PARD3: variants seen among roughly 807,000 people sequenced by gnomAD.
PARD3 encodes the protein partitioning defective 3 homolog.
Under a neutral mutation model 155.4 loss-of-function variants are expected in PARD3, and 75 were observed. The ratio of observed to expected loss-of-function variants is 0.48; its 90% CI spans 0.40 to 0.58. The LOEUF (loss-of-function observed/expected upper bound fraction) is 0.58, where lower values mean the gene tolerates loss of function less well. PARD3 is among the 20% of genes least tolerant of loss of function. The pLI is 0.00. For missense variants in PARD3, 1,642 were observed against 1,721.7 expected (o/e 0.95, Z 0.82); for synonymous variants, 576 against 610.5 (o/e 0.94, Z 0.83).
intron 1 of PARD3, among the ~76,000 whole-genome samples, chr10:34,700,998 A>G (rs1456481592): frequency 6.6e-6 from 1 of 152,134 alleles, no homozygotes; most frequent in Admixed American, 6.5e-5. Flanking sequence ...AATTTATCTG[A>G]CAAAATATAA....
At position 34,111,241 on chromosome 10, in the gene PARD3, G is replaced by A. The variant is rs368043710; in HGVS notation, c.3990C>T (p.Pro1330=). The A allele has an allele frequency of 1.9e-6, 3 of 1,612,386 alleles. No individual in the cohort carries two copies. The highest frequency in any genetic ancestry group is 4.5e-5 in the East Asian group (2 of 44,814). ...PPKGPFRQDV[P]PSPSQVARLN... ...GCCTCGCAACCTGAGAAGGGGAGGG[G>A]GGCACATCTTGCCGGAAGGGCCCCT... Residue 1330 remains proline, a synonymous_variant, in exon 25 of 25, where the codon CCC becomes CCT. Transcript: ENST00000374788.
Position 34,146,009 on chromosome 10 carries a change from T to C in PARD3, c.3420-14426A>G, listed in dbSNP as rs116491404. 4.6e-3 allele frequency among the ~76,000 whole-genome samples: 695 copies of C among 152,308 alleles called. 5 individuals are homozygous for C. The highest frequency in any genetic ancestry group is 0.014 in the African/African-American group (577 of 41,572). On this transcript the variant is annotated intron_variant, in intron 22 of 24. Transcript: ENST00000374788. ...AATTCCATGTCTTCCGAAGAGAATC[T>C]AGCAATCTTTGGTGCGGGGTGCATA...
intron 22 of PARD3, among the ~76,000 whole-genome samples, chr10:34,254,537 CGTGTGT>C (rs55901749): frequency 0.12 from 17,566 of 145,474 alleles, 1,271 homozygotes; most frequent in African/African-American, 0.21. Context: ...GGTAGGTAAA[CGTGTGT>C]GTGTGTGTGT....
intron 2 of PARD3, among the ~76,000 whole-genome samples, chr10:34,687,366 G>A (rs1324190235): frequency 2.0e-5 from 3 of 152,042 alleles, no homozygotes; most frequent in Admixed American, 6.6e-5. Context: ...TCCCCAATAA[G>A]TTTTTTAAAG....
intron 22 of PARD3, among the ~76,000 whole-genome samples, chr10:34,153,564 T>C (rs1588950823): frequency 6.6e-6 from 1 of 152,340 alleles, no homozygotes; most frequent in East Asian, 1.9e-4. Flanking sequence ...CCTTTGGCCA[T>C]TTAAATTCAG....
intron 4 of PARD3, among the ~76,000 whole-genome samples, chr10:34,451,513 A>C (rs2132808053): frequency 6.6e-6 from 1 of 152,290 alleles, no homozygotes; most frequent in African/African-American, 2.4e-5. Context: ...GCAATATAAT[A>C]GGTTTGCAAT....
intron 23 of PARD3, among the ~76,000 whole-genome samples, chr10:34,127,313 T>G (rs751874277): frequency 5.9e-5 from 9 of 152,222 alleles, no homozygotes; most frequent in Non-Finnish European, 8.8e-5. Flanking sequence ...GACATATGTC[T>G]GCTTCTCTGT....
chr10:34,651,513 G>A (rs565598607), intron 2 of PARD3, among the ~76,000 whole-genome samples: 53 of 152,334 alleles, frequency 3.5e-4, no homozygotes, highest in African/African-American at 1.3e-3. Flanking sequence ...CAGGAAGTGT[G>A]GACAATGAAG....
chr10:34,580,455 A>C (rs1220758828), intron 2 of PARD3, among the ~76,000 whole-genome samples: 1 of 152,158 alleles, frequency 6.6e-6, no homozygotes, highest in African/African-American at 2.4e-5. Flanking sequence ...GGGTCACTGG[A>C]GCCTAAGAAG....
chr10:34,364,789 C>T (rs1554839629), intron 12 of PARD3, among the ~76,000 whole-genome samples: 1 of 151,968 alleles, frequency 6.6e-6, no homozygotes, highest in Non-Finnish European at 1.5e-5. Flanking sequence ...AAATTAATAA[C>T]AAAAAGATAA....
intron 2 of PARD3, among the ~76,000 whole-genome samples, chr10:34,561,124 A>G (rs1336845020): frequency 2.6e-5 from 4 of 152,172 alleles, no homozygotes; most frequent in African/African-American, 7.2e-5. Context: ...GAATACTCCA[A>G]ACGTGTGATG....
intron 1 of PARD3, among the ~76,000 whole-genome samples, chr10:34,719,392 A>G (rs2094569613): frequency 6.6e-6 from 1 of 152,156 alleles, no homozygotes; most frequent in African/African-American, 2.4e-5. Context: ...TCCTCCCTCT[A>G]CTTTAAGTTA....
chr10:34,728,658 A>C (rs558452934), intron 1 of PARD3, among the ~76,000 whole-genome samples: 22 of 152,342 alleles, frequency 1.4e-4, no homozygotes, highest in African/African-American at 5.0e-4. Context: ...AGTCATCCCA[A>C]GCAGCAGTAA....
At chr10:34,476,935 T>A (rs1209451543) in intron 3 of PARD3, among the ~76,000 whole-genome samples, 1 of 152,194 alleles carries the variant, frequency 6.6e-6, no homozygotes, top group Admixed American at 6.5e-5. Flanking sequence ...ATCAACAAAA[T>A]GAATCATGAA....
chr10:34,563,312 TA>T (rs1313068479), intron 2 of PARD3, among the ~76,000 whole-genome samples: 2 of 152,180 alleles, frequency 1.3e-5, no homozygotes, highest in Non-Finnish European at 2.9e-5. Context: ...AAGAAGTATG[TA>T]CATATCACTG....
In PARD3 at chr10:34,586,846, G is replaced by A. The variant is rs187493535; in HGVS notation, c.223-69687C>T. On this transcript the variant is annotated intron_variant, in intron 2 of 24. Coordinates refer to ENST00000374788, the MANE Select transcript of PARD3 (RefSeq NM_001184785.2). ...TGCCTGTAATCCCAGCTACTCAGGA[G>A]GCTGAGGCAGGAGAATCGCTTGAAC... Among the ~76,000 whole-genome samples, 117 of 152,232 alleles carry A rather than the reference G, an allele frequency of 7.7e-4. 2 individuals carry two copies. The highest frequency in any genetic ancestry group is 6.8e-3 in the Middle Eastern group (2 of 294).
At chr10:34,637,546 C>T (rs1270569167) in intron 2 of PARD3, among the ~76,000 whole-genome samples, 1 of 152,168 alleles carries the variant, frequency 6.6e-6, no homozygotes, top group Non-Finnish European at 1.5e-5. Context: ...AATGCTTTGT[C>T]ACTGGGGGTT....
intron 6 of PARD3, among the ~76,000 whole-genome samples, chr10:34,399,645 G>C (rs1390360644): frequency 6.6e-6 from 1 of 152,148 alleles, no homozygotes; most frequent in Non-Finnish European, 1.5e-5. Flanking sequence ...TGATGGCATG[G>C]AGGGAGAGCA....
intron 1 of PARD3, among the ~76,000 whole-genome samples, chr10:34,812,041 G>T (rs1380375472): frequency 6.6e-6 from 1 of 152,192 alleles, no homozygotes; most frequent in Admixed American, 6.5e-5. Context: ...TGTCACACAT[G>T]ACTAAGCATA....
Sources: gnomAD v4.1 joint callset for allele counts (sites outside exome capture counted in the v4.1 genomes callset) on GRCh38, gnomAD v4.1.1 for gene constraint, MANE v1.5 for transcripts, NCBI Gene and HGNC (gene_info 2026-07-23, HGNC 2026-07-21) for gene names.